Variants in TMEM178B observed in about 807,000 individuals in gnomAD.
TMEM178B encodes the protein transmembrane protein 178B.
In TMEM178B, 5 loss-of-function variants were observed where a neutral mutation model predicts 31.0. The observed-to-expected ratio is 0.16, with a 90% CI of 0.08 to 0.34. TMEM178B has a LOEUF of 0.34. TMEM178B is among the 10% of genes least tolerant of loss of function. The probability of loss-of-function intolerance (pLI) is 1.00; values close to 1 mark genes in which losing one functional copy is unlikely to be tolerated. For synonymous variants in TMEM178B, 164 were observed against 164.0 expected (o/e 1.00, Z 0.00); for missense variants, 275 against 400.3 (o/e 0.69, Z 2.67).
At chr7:141,312,372 T>G (rs187659817) in intron 2 of TMEM178B, among the ~76,000 whole-genome samples, 4 of 152,324 alleles carry the variant, frequency 2.6e-5, no homozygotes, top group Admixed American at 2.0e-4. Flanking sequence ...AAGGTATGGT[T>G]AAGAGAAAGG....
rs377357406 is a variant in TMEM178B, at chr7:141,237,795, G to A, written c.496+25091G>A. Among the ~76,000 whole-genome samples the A allele has an allele frequency of 2.7e-4, 41 of 152,134 alleles. No individual in the cohort carries two copies. In the East Asian group the frequency reaches 5.0e-3, roughly 19 times the overall value. On this transcript the variant is annotated intron_variant, in intron 2 of 3. Coordinates refer to ENST00000565468, the MANE Select transcript of TMEM178B (RefSeq NM_001195278.2). The stretch of plus-strand genomic sequence containing the variant: ...TCCCAGCACTTTGGGAGGCTGAGGC[G>A]GGCAGATCACCTGAGGTCAGGAGCT...
intron 3 of TMEM178B, among the ~76,000 whole-genome samples, chr7:141,469,768 C>T (rs1802205988): frequency 3.9e-5 from 6 of 152,172 alleles, no homozygotes; most frequent in Admixed American, 3.9e-4. Context: ...CCTCTTATAG[C>T]AGTTTTCTTA....
intron 2 of TMEM178B, among the ~76,000 whole-genome samples, chr7:141,409,575 G>A (rs1405298287): frequency 6.6e-6 from 1 of 152,080 alleles, no homozygotes; most frequent in Non-Finnish European, 1.5e-5. Flanking sequence ...ATTTATTTTA[G>A]TTGGCATCCT....
At chr7:141,248,987 G>A (rs1797785137) in intron 2 of TMEM178B, among the ~76,000 whole-genome samples, 1 of 152,208 alleles carries the variant, frequency 6.6e-6, no homozygotes, top group Admixed American at 6.5e-5. Flanking sequence ...CTCTCCTATT[G>A]TGACTTTAGA....
rs541067911 is a variant in TMEM178B at position 141,351,353 on chromosome 7, A to G, written c.497-86255A>G. Among the ~76,000 whole-genome samples, 4 of 152,392 alleles carry G rather than the reference A, an allele frequency of 2.6e-5. No individual in the cohort carries two copies. The East Asian group carries it at 7.7e-4, about 29-fold the overall frequency. ...CAGTCAGCTGAAGTTGGCTGAGGGC[A>G]GGCTGGCCTAGAATGGCCTTAGCCG... On this transcript the variant is annotated intron_variant, in intron 2 of 3. Transcript: ENST00000565468.
chr7:141,238,867 G>T (rs1220189022), intron 2 of TMEM178B, among the ~76,000 whole-genome samples: 1 of 152,210 alleles, frequency 6.6e-6, no homozygotes, highest in Admixed American at 6.5e-5. Context: ...AGCCCCCTTG[G>T]GATAGCTGCA....
intron 2 of TMEM178B, among the ~76,000 whole-genome samples, chr7:141,286,738 T>C (rs575094084): frequency 5.3e-5 from 8 of 152,306 alleles, no homozygotes; most frequent in African/African-American, 1.9e-4. Context: ...AAGAAGAATG[T>C]GGAGAGTCCT....
intron 2 of TMEM178B, among the ~76,000 whole-genome samples, chr7:141,359,878 C>T (rs906704649): frequency 3.9e-5 from 6 of 152,210 alleles, no homozygotes; most frequent in African/African-American, 1.2e-4. Flanking sequence ...TGATGAAAGG[C>T]GAAAGGCACA....
intron 1 of TMEM178B, among the ~76,000 whole-genome samples, chr7:141,120,149 C>T (rs1795385920): frequency 6.6e-6 from 1 of 152,194 alleles, no homozygotes; most frequent in South Asian, 2.1e-4. Flanking sequence ...CCATGTGGAC[C>T]TGAAGTCAGA....
At chr7:141,401,526 C>T (rs1800768883) in intron 2 of TMEM178B, among the ~76,000 whole-genome samples, 2 of 152,226 alleles carry the variant, frequency 1.3e-5, no homozygotes, top group Non-Finnish European at 2.9e-5. Context: ...ACTGATCCTC[C>T]TGCCTCAGCC....
intron 2 of TMEM178B, among the ~76,000 whole-genome samples, chr7:141,314,587 G>A (rs144079393): frequency 5.3e-5 from 8 of 152,280 alleles, no homozygotes; most frequent in Non-Finnish European, 1.0e-4. Flanking sequence ...ACACTTTGAG[G>A]AACTCACTGG....
intron 2 of TMEM178B, among the ~76,000 whole-genome samples, chr7:141,387,059 A>C (rs944135038): frequency 4.6e-5 from 7 of 152,176 alleles, no homozygotes; most frequent in African/African-American, 7.2e-5. Flanking sequence ...GGGTGAGGCC[A>C]TTCCTAGCAA....
intron 2 of TMEM178B, among the ~76,000 whole-genome samples, chr7:141,267,924 G>A (rs1016778219): frequency 7.9e-5 from 12 of 152,174 alleles, no homozygotes; most frequent in South Asian, 2.1e-4. Context: ...AAGTATTCTC[G>A]AAGTTTACCC....
chr7:141,149,987 G>T (rs185830169), intron 1 of TMEM178B, among the ~76,000 whole-genome samples: 10 of 152,270 alleles, frequency 6.6e-5, no homozygotes, highest in Middle Eastern at 6.8e-3. Context: ...ATTTGTTGAT[G>T]GGTGGAAAGT....
chr7:141,483,680 C>G (rs532843326), downstream of TMEM178B, among the ~76,000 whole-genome samples: 1 of 152,112 alleles, frequency 6.6e-6, no homozygotes, highest in Non-Finnish European at 1.5e-5. Context: ...CTCCCTTCAC[C>G]TCCCATGCAC....
chr7:141,307,299 A>G lies in TMEM178B; in HGVS notation c.496+94595A>G, dbSNP rs1188029046. Reference sequence around the variant, plus strand: ...TTAAAAATGGAAAATGGATTAATTTAGCAAGGATTAACTATCACTTTTGTA... The same window carrying G: ...TTAAAAATGGAAAATGGATTAATTTGGCAAGGATTAACTATCACTTTTGTA... On this transcript the variant is annotated intron_variant, in intron 2 of 3. Transcript: ENST00000565468. Among the ~76,000 whole-genome samples, 5 of 152,256 alleles carry G rather than the reference A, an allele frequency of 3.3e-5. No homozygotes were observed. The East Asian group carries it at 9.6e-4, about 29-fold the overall frequency.
intron 2 of TMEM178B, chr7:141,430,064 C>T (rs993210658): frequency 2.6e-5 from 4 of 152,280 alleles, no homozygotes; most frequent in African/African-American, 9.6e-5. Context: ...ACAGGTGCCT[C>T]TGCTATTAGC....
At chr7:141,496,741 T>C in the TMEM178B span, among the ~76,000 whole-genome samples, 1 of 144,336 alleles carries the variant, frequency 6.9e-6, no homozygotes, top group Non-Finnish European at 1.5e-5. Context: ...CATTTTAAAA[T>C]CACTATGTTT....
chr7:141,387,653 C>T (rs541320662), intron 2 of TMEM178B, among the ~76,000 whole-genome samples: 3 of 152,238 alleles, frequency 2.0e-5, no homozygotes, highest in South Asian at 2.1e-4. Context: ...AAGGAGGAAG[C>T]GCTCAGCCTT....
Sources: allele counts gnomAD v4.1 joint callset (sites outside exome capture counted in the v4.1 genomes callset), GRCh38; gene constraint gnomAD v4.1.1; transcripts MANE v1.5; gene names NCBI Gene and HGNC (gene_info 2026-07-23, HGNC 2026-07-21).